CADPS2: variants seen among roughly 807,000 people sequenced by gnomAD.
CADPS2 encodes calcium dependent secretion activator 2, also known as calcium-dependent secretion activator 2.
CADPS2 carries 93 observed loss-of-function variants against 172.5 expected under a neutral mutation model. The ratio of observed to expected loss-of-function variants is 0.54; its 90% CI spans 0.46 to 0.64. The LOEUF (loss-of-function observed/expected upper bound fraction) is 0.64. Ranked by LOEUF, CADPS2 falls within the 30% of genes least tolerant of loss-of-function variation. CADPS2 has a pLI of 0.00. For missense variants in CADPS2, 1,420 were observed against 1,565.9 expected (o/e 0.91, Z 1.57); for synonymous variants, 546 against 555.2 (o/e 0.98, Z 0.23).
intron 1 of CADPS2, among the ~76,000 whole-genome samples, chr7:122,825,133 G>T (rs1386099990): frequency 6.6e-6 from 1 of 152,136 alleles, no homozygotes; most frequent in Non-Finnish European, 1.5e-5. Context: ...GATGAGGAGG[G>T]AGGTTGTCTA....
At chr7:122,336,650 C>T (rs771166238) in intron 28 of CADPS2, among the ~76,000 whole-genome samples, 13 of 152,204 alleles carry the variant, frequency 8.5e-5, no homozygotes, top group Non-Finnish European at 1.9e-4. Context: ...ATTCTAATTT[C>T]TTGAGTGACT....
In CADPS2 at chr7:122,833,538, T is replaced by G. The variant is rs184877601; in HGVS notation, c.339+52461A>C. Among the ~76,000 whole-genome samples the G allele has an allele frequency of 5.1e-3, 773 of 151,900 alleles. 5 individuals carry two copies. The highest frequency in any genetic ancestry group is 0.018 in the African/African-American group (748 of 41,434). ...TCCCACCACACCCAGCTTTGTTTTT[T>G]TTTGTTTGTTTGTTTTGTTTTGTTT... On this transcript the variant is annotated intron_variant, in intron 1 of 29. Coordinates refer to ENST00000449022, the MANE Select transcript of CADPS2 (RefSeq NM_017954.11).
At chr7:122,757,491 C>T (rs2093213400) in intron 1 of CADPS2, among the ~76,000 whole-genome samples, 1 of 152,000 alleles carries the variant, frequency 6.6e-6, no homozygotes, top group African/African-American at 2.4e-5. Context: ...AAATTTAGCA[C>T]CCCAGGGATG....
rs1463688672 is a variant in CADPS2, at chr7:122,629,286, G to C, written c.829C>G (p.Leu277Val). 1 of 1,610,488 alleles carries C rather than the reference G, an allele frequency of 6.2e-7. No homozygotes were observed. The highest frequency in any genetic ancestry group is 1.1e-5 in the South Asian group (1 of 90,414). ...TCTGCCAATTGCAGCCGGCCATCAA[G>C]TTCCCTTCTGATCTGGGCTGCTTGT... is the stretch of plus-strand genomic sequence containing the variant. ...DEQAAQIRRE[L>V]DGRLQLADKM... Residue 277 changes from leucine to valine, a missense_variant, in exon 4 of 30, where the codon CTT becomes GTT. Leu to Val is a conservative substitution (Grantham distance 32). Coordinates refer to ENST00000449022, the MANE Select transcript of CADPS2 (RefSeq NM_017954.11).
chr7:122,822,563 G>A (rs1205173492), intron 1 of CADPS2, among the ~76,000 whole-genome samples: 1 of 145,164 alleles, frequency 6.9e-6, no homozygotes, highest in Non-Finnish European at 1.5e-5. Flanking sequence ...TCAGGCCTCT[G>A]AGCCCAAGCC....
chr7:122,813,787 TAATG>T (rs1173435070), intron 1 of CADPS2, among the ~76,000 whole-genome samples: 1 of 152,160 alleles, frequency 6.6e-6, no homozygotes, highest in Non-Finnish European at 1.5e-5. Context: ...GGAAAATACT[TAATG>T]AATAGATTAT....
At chr7:122,853,254 C>A (rs1259953291) in intron 1 of CADPS2, among the ~76,000 whole-genome samples, 1 of 152,152 alleles carries the variant, frequency 6.6e-6, no homozygotes, top group Non-Finnish European at 1.5e-5. Context: ...GGTATTTCTC[C>A]CCCTGCCTCC....
At position 122,319,212 on chromosome 7, in the gene CADPS2, T is replaced by C. The variant is rs958800545; in HGVS notation, c.*953A>G. On this transcript the variant is annotated 3_prime_UTR_variant, in exon 30 of 30. Transcript: ENST00000449022. ...ATTCTTTTAACAATGTATGTGCCTA[T>C]TAGGTACAAAGAACAGTCAGTGTTA... 1 of 152,196 alleles carries C rather than the reference T, an allele frequency of 6.6e-6. No individual in the cohort carries two copies. The highest frequency in any genetic ancestry group is 1.5e-5 in the Non-Finnish European group (1 of 68,030). 9.4% of individuals were successfully genotyped at this position (152,196 alleles called of 1,614,324 possible). A position where few individuals can be genotyped will look rare whatever the true frequency, so the allele number is the denominator to read the frequency against.
At chr7:122,877,783 C>A (rs142384198) in intron 1 of CADPS2, among the ~76,000 whole-genome samples, 1,555 of 152,080 alleles carry the variant, frequency 0.01, 21 homozygotes, top group East Asian at 0.06. Flanking sequence ...CAACTAGAAA[C>A]GATAGCGTCT....
intron 6 of CADPS2, among the ~76,000 whole-genome samples, chr7:122,597,648 A>G (rs546507144): frequency 3.0e-4 from 45 of 152,174 alleles, no homozygotes; most frequent in Admixed American, 2.9e-3. Flanking sequence ...CCTGAAATAA[A>G]AAGTAAAATA....
chr7:122,700,593 T>C (rs962387909), intron 2 of CADPS2, among the ~76,000 whole-genome samples: 5 of 152,174 alleles, frequency 3.3e-5, no homozygotes, highest in African/African-American at 1.2e-4. Context: ...CTGTCTCTCA[T>C]TGTTATATAG....
At chr7:122,765,102 G>T (rs143927524) in intron 1 of CADPS2, among the ~76,000 whole-genome samples, 183 of 152,188 alleles carry the variant, frequency 1.2e-3, no homozygotes, top group African/African-American at 4.0e-3. Context: ...CACTTCCATG[G>T]ATTATACCAA....
At chr7:122,577,636 G>A (rs2068222411) in intron 7 of CADPS2, among the ~76,000 whole-genome samples, 1 of 152,080 alleles carries the variant, frequency 6.6e-6, no homozygotes, top group African/African-American at 2.4e-5. Flanking sequence ...ACAGATTTTT[G>A]TGTTGACACA....
chr7:122,733,417 C>G (rs1321534947), intron 2 of CADPS2, among the ~76,000 whole-genome samples: 1 of 151,790 alleles, frequency 6.6e-6, no homozygotes, highest in Admixed American at 6.6e-5. Flanking sequence ...AGAAATGGCT[C>G]TTTCATGGAA....
intron 1 of CADPS2, among the ~76,000 whole-genome samples, chr7:122,829,840 C>T (rs1805978796): frequency 6.6e-6 from 1 of 152,000 alleles, no homozygotes; most frequent in African/African-American, 2.4e-5. Context: ...TGTTGTATCT[C>T]AAAAGTCACC....
chr7:122,708,636 G>A (rs897166256), intron 2 of CADPS2, among the ~76,000 whole-genome samples: 10 of 148,674 alleles, frequency 6.7e-5, no homozygotes, highest in African/African-American at 1.7e-4. Flanking sequence ...AAAGATAAAT[G>A]AGCATTTGGA....
intron 11 of CADPS2, among the ~76,000 whole-genome samples, chr7:122,486,300 C>T (rs995388412): frequency 5.3e-5 from 8 of 152,074 alleles, no homozygotes; most frequent in African/African-American, 1.9e-4. Flanking sequence ...ATTCCAAATG[C>T]CATTAAGAAC....
chr7:122,766,017 G>A (rs942926524), intron 1 of CADPS2, among the ~76,000 whole-genome samples: 1 of 152,094 alleles, frequency 6.6e-6, no homozygotes, highest in African/African-American at 2.4e-5. Context: ...GATTCTGGAG[G>A]TTGGGAAATC....
At chr7:122,371,697 T>C (rs2041783916) in intron 25 of CADPS2, among the ~76,000 whole-genome samples, 1 of 151,046 alleles carries the variant, frequency 6.6e-6, no homozygotes, top group Non-Finnish European at 1.5e-5. Flanking sequence ...AAGACTATAG[T>C]ACTGCCAGTG....
Sources: allele counts gnomAD v4.1 joint callset (sites outside exome capture counted in the v4.1 genomes callset), GRCh38; gene constraint gnomAD v4.1.1; transcripts MANE v1.5; gene names NCBI Gene and HGNC (gene_info 2026-07-23, HGNC 2026-07-21).